The following FTCD variants were observed in gnomAD, a reference collection of about 807,000 sequenced individuals.
FTCD encodes formimidoyltransferase-cyclodeaminase.
A neutral mutation model predicts 62.9 loss-of-function variants in FTCD; 76 were observed. The ratio of observed to expected loss-of-function variants is 1.21; its 90% CI spans 1.00 to 1.46. The LOEUF (loss-of-function observed/expected upper bound fraction) is 1.46. FTCD is among the 40% of genes most tolerant of loss of function. FTCD has a pLI of 0.00. For missense variants in FTCD, 845 were observed against 751.3 expected, an observed-to-expected ratio of 1.12 and a Z score of -1.46; for synonymous variants, 397 against 336.9, an observed-to-expected ratio of 1.18 and a Z score of -1.95.
intron 2 of FTCD, among the ~76,000 whole-genome samples, chr21:46,153,855 C>T (rs1431327250): frequency 1.3e-5 from 2 of 152,222 alleles, no homozygotes; most frequent in Admixed American, 6.5e-5. Context: ...GGCAGGTGGA[C>T]GGGGCCCACA....
chr21:46,146,004 C>T (rs2079139296), intron 8 of FTCD, 57 bp from the exon 9 acceptor site: 3 of 1,103,824 alleles, frequency 2.7e-6, no homozygotes, highest in Non-Finnish European at 2.5e-6. Context: ...GGAGCGCAGT[C>T]CTCCCGGGGC....
intron 10 of FTCD, among the ~76,000 whole-genome samples, chr21:46,144,293 A>C (rs2079077147): frequency 6.8e-6 from 1 of 147,574 alleles, no homozygotes; most frequent in Admixed American, 6.8e-5. Context: ...TTGTGTCTTT[A>C]TTTCTATAAT....
chr21:46,142,699 C>G (rs2079048202), intron 10 of FTCD: 1 of 152,248 alleles, frequency 6.6e-6, no homozygotes, highest in Non-Finnish European at 1.5e-5. Flanking sequence ...CAGAACCCGC[C>G]ACGGTTGGCG....
At position 46,149,629 on chromosome 21, in the gene FTCD, C is replaced by T. The variant is rs141888659; in HGVS notation, c.906+490G>A. On this transcript the variant is annotated intron_variant, in intron 7 of 13. Coordinates refer to ENST00000397746, the MANE Select transcript of FTCD (RefSeq NM_206965.2). ...CGGACAGCGGCTCTGCAGACGCTGC[C>T]ACACCCCAGCAGGACCTGAGGCCCC... 1.0e-3 allele frequency among the ~76,000 whole-genome samples: 158 copies of T among 152,322 alleles called. 5 individuals are homozygous for T. The East Asian group carries it at 0.017, about 17-fold the overall frequency.
chr21:46,151,891 C>T lies in FTCD; in HGVS notation c.456+1G>A. ...GGCCCGACCGCCCGGGGTGGGGGCA[C>T]CTTCTTAGGGAGGGCCTCGTACTCC... On this transcript the variant is annotated splice_donor_variant, in intron 4 of 13. Transcript: ENST00000397746. LOFTEE classifies it high-confidence loss of function. 1 of 1,560,614 alleles carries T rather than the reference C, an allele frequency of 6.4e-7. No individual in the cohort carries two copies. Among genetic ancestry groups the T allele is most frequent in the Non-Finnish European group, 8.7e-7 (1 of 1,152,812 alleles).
At chr21:46,140,692 G>A (rs1432361622) in intron 10 of FTCD, among the ~76,000 whole-genome samples, 1 of 149,756 alleles carries the variant, frequency 6.7e-6, no homozygotes, top group African/African-American at 2.5e-5. Flanking sequence ...CTCACAGGGA[G>A]TGTAAACCAA....
rs530830646 is a variant in FTCD at position 46,154,347 on chromosome 21, C to G, written c.55-15G>C. The G allele has an allele frequency of 1.9e-6, 3 of 1,605,282 alleles. No individual in the cohort carries two copies. The highest frequency in any genetic ancestry group is 2.5e-6 in the Non-Finnish European group (3 of 1,177,404). ...GCGTCGATCACCTGGGACACAGGCC[C>G]GGCCCCCACACCTCAGTCTCCCCGT... On this transcript the variant is annotated splice_polypyrimidine_tract_variant and intron_variant, in intron 1 of 13. Coordinates refer to ENST00000397746, the MANE Select transcript of FTCD (RefSeq NM_206965.2).
chr21:46,150,130 G>A lies in FTCD; in HGVS notation c.895C>T (p.Arg299Trp), dbSNP rs747491063. The change falls in exon 7 of 14, where the codon CGG becomes TGG. Residue 299 changes from arginine (R) to tryptophan (W), a missense_variant. Transcript: ENST00000397746. ...ENLFILEEEQ[R>W]IRLVVSRLGL... Reference sequence around the variant, plus strand: ...GCAGCCCGGCCCACCAGCCTGATCCGCTGCTCCTCCTCCAGGATGAAGAGG... The same window carrying A: ...GCAGCCCGGCCCACCAGCCTGATCCACTGCTCCTCCTCCAGGATGAAGAGG... 4 of 1,404,800 alleles carry A rather than the reference G, an allele frequency of 2.8e-6. No homozygotes were observed. The highest frequency in any genetic ancestry group is 3.7e-5 in the East Asian group (1 of 26,736). The allele number at this position is 1,404,800 out of a possible 1,614,324, so 87.0% of individuals were successfully genotyped here. A position where few individuals can be genotyped will look rare whatever the true frequency, so the allele number is the denominator to read the frequency against.
At chr21:46,139,564 A>G (rs2078949027) in intron 10 of FTCD, among the ~76,000 whole-genome samples, 1 of 152,232 alleles carries the variant, frequency 6.6e-6, no homozygotes, top group Non-Finnish European at 1.5e-5. Flanking sequence ...AGTGGGGAAT[A>G]TGCTCACTTC....
chr21:46,153,023 C>T lies in FTCD; in HGVS notation c.251G>A (p.Arg84His), dbSNP rs748347001. ...GGGGCAGACGTCTAGGGCCCCCATG[C>T]GGGGGTGCTCTCCTGCAGAGAGACG... ...DMSRHQGEHP[R>H]MGALDVCPFI... Residue 84 changes from arginine (R) to histidine (H), a missense_variant, in exon 3 of 14, where the codon CGC becomes CAC. Transcript: ENST00000397746. 19 of 1,549,048 alleles carry T rather than the reference C, an allele frequency of 1.2e-5. No individual in the cohort carries two copies. The highest frequency in any genetic ancestry group is 1.2e-4 in the Admixed American group (6 of 50,998).
In FTCD at chr21:46,150,377, C is replaced by A; in HGVS notation, c.774+11G>T. 6.2e-7 allele frequency: 1 copy of A among 1,612,696 alleles called. No homozygotes were observed. The highest frequency in any genetic ancestry group is 8.5e-7 in the Non-Finnish European group (1 of 1,179,894). ...GCCCCTCACAGCAGCAGCGGCTGCT[C>A]CCGGGCTCACCTGTGCTTCTCGGCA... On this transcript the variant is annotated intron_variant, in intron 6 of 13. Coordinates refer to ENST00000397746, the MANE Select transcript of FTCD (RefSeq NM_206965.2).
At chr21:46,138,420 GCCAACCACCGTGCTCT>G in intron 12 of FTCD, 72 bp downstream of exon 12, 3 of 1,351,044 alleles carry the variant, frequency 2.2e-6, no homozygotes, top group Non-Finnish European at 3.1e-6. Context: ...GCTCAGCCCA[GCCAACCACCGTGCTCT>G]CCAGCAACTC....
At chr21:46,146,438 C>G (rs2079149775) in intron 7 of FTCD, 111 bp from the exon 8 acceptor site, 3 of 774,404 alleles carry the variant, frequency 3.9e-6, no homozygotes, top group Admixed American at 4.0e-5. Context: ...CCCGAGCACA[C>G]AGGTGCTTTT....
chr21:46,139,889 C>G (rs1011361401), intron 10 of FTCD, among the ~76,000 whole-genome samples: 5 of 152,164 alleles, frequency 3.3e-5, no homozygotes, highest in African/African-American at 1.2e-4. Flanking sequence ...CACACCCAGG[C>G]CTTGCGGTGT....
At chr21:46,154,022 C>T in intron 2 of FTCD, 127 bp downstream of exon 2, 2 of 955,674 alleles carry the variant, frequency 2.1e-6, no homozygotes, top group African/African-American at 1.6e-5. Flanking sequence ...AGAGCCAGAG[C>T]CAGCCCCACT....
At chr21:46,141,738 G>A (rs900112485) in intron 10 of FTCD, among the ~76,000 whole-genome samples, 2 of 151,942 alleles carry the variant, frequency 1.3e-5, no homozygotes, top group Admixed American at 6.5e-5. Flanking sequence ...ATACTAGAAG[G>A]CAGCGAAAGC....
In FTCD at chr21:46,154,313, C is replaced by G. The variant is rs745555666; in HGVS notation, c.74G>C (p.Gly25Ala). The G allele has an allele frequency of 1.2e-6, 2 of 1,610,902 alleles. No homozygotes were observed. Among genetic ancestry groups the G allele is most frequent in the South Asian group, 1.1e-5 (1 of 90,924 alleles). The change falls in exon 2 of 14, where the codon GGA becomes GCA. Residue 25 changes from glycine to alanine, a missense_variant. Transcript: ENST00000397746. The part of the protein sequence containing the change: ...KNQEVIDAIS[G>A]AITQTPGCVL... ...GCAGCCCGGGGTCTGTGTGATGGCT[C>G]CAGAGATGGCGTCGATCACCTGGGA...
rs1476777692 is a variant in FTCD at position 46,150,217 on chromosome 21, C to G, written c.808G>C (p.Val270Leu). Reference protein sequence around the residue: ...LSLPVVGSQLVGLVPLKALLD... With the variant: ...LSLPVVGSQLLGLVPLKALLD... ...AGAGCCTTCAGGGGCACCAGGCCCACCAGCTGTGAGCCCACCACTGGGAGG... is the reference window on the plus strand; with the variant it reads ...AGAGCCTTCAGGGGCACCAGGCCCAGCAGCTGTGAGCCCACCACTGGGAGG... The change falls in exon 7 of 14, where the codon GTG (valine) becomes CTG (leucine). Residue 270 changes from valine to leucine, a missense_variant. Physicochemically the swap from Val to Leu is conservative, Grantham distance 32. Transcript: ENST00000397746. The G allele has an allele frequency of 3.7e-6, 6 of 1,609,786 alleles. No homozygotes were observed. In the South Asian group the frequency reaches 5.5e-5, roughly 15 times the overall value.
chr21:46,140,681 G>C (rs2078981962), intron 10 of FTCD, among the ~76,000 whole-genome samples: 1 of 150,098 alleles, frequency 6.7e-6, no homozygotes, highest in South Asian at 2.1e-4. Context: ...CCTTCACGTG[G>C]CTCACAGGGA....
Sources: gnomAD v4.1 joint callset for allele counts (sites outside exome capture counted in the v4.1 genomes callset) on GRCh38, gnomAD v4.1.1 for gene constraint, MANE v1.5 for transcripts, NCBI Gene and HGNC (gene_info 2026-07-23, HGNC 2026-07-21) for gene names.